The following RHPN2 variants were observed in gnomAD, a reference collection of about 807,000 sequenced individuals.
The protein encoded by RHPN2 is rhophilin-2.
In RHPN2, 40 loss-of-function variants were observed where a neutral mutation model predicts 79.0. That is an observed-to-expected ratio of 0.51 (90% confidence interval 0.39 to 0.66). The LOEUF (loss-of-function observed/expected upper bound fraction) is 0.66. Ranked by LOEUF, RHPN2 falls within the 30% of genes least tolerant of loss-of-function variation. The pLI is 0.00. For synonymous variants in RHPN2, 285 were observed against 363.5 expected (o/e 0.78, Z 2.46); for missense variants, 686 against 883.5 (o/e 0.78, Z 2.83).
chr19:33,018,686 C>A (rs184568789), intron 4 of RHPN2, among the ~76,000 whole-genome samples: 43 of 152,260 alleles, frequency 2.8e-4, no homozygotes, highest in Non-Finnish European at 5.0e-4. Context: ...CTATTTATGT[C>A]AAACAACTCA....
In RHPN2 at chr19:33,044,283, C is replaced by T. The variant is rs780380894; in HGVS notation, c.151G>A (p.Val51Met). The change falls in exon 2 of 15, where the codon GTG becomes ATG. Residue 51 changes from valine to methionine, a missense_variant. Physicochemically the swap from Val to Met is conservative, Grantham distance 21 (BLOSUM62 1). Transcript: ENST00000254260. ...AALNQQILKAVRMRTGAENLL... is the reference protein window; with the variant it reads ...AALNQQILKAMRMRTGAENLL... ...TTTTCCGCTCCGGTCCTCATCCGCA[C>T]GGCTTTCAGGATCTGCTGATTCAAA... 1.1e-5 allele frequency: 17 copies of T among 1,613,906 alleles called. No individual in the cohort carries two copies. The highest frequency in any genetic ancestry group is 6.7e-5 in the Admixed American group (4 of 59,964).
chr19:33,046,479 G>C (rs1471221778), intron 1 of RHPN2, among the ~76,000 whole-genome samples: 1 of 151,948 alleles, frequency 6.6e-6, no homozygotes, highest in Non-Finnish European at 1.5e-5. Flanking sequence ...GTTGGCCAGG[G>C]TGATCTCAAA....
At chr19:33,064,755 T>TGGGCCCCCCCCCCCC in intron 1 of RHPN2, 29 bp downstream of exon 1, 2 of 1,427,946 alleles carry the variant, frequency 1.4e-6, no homozygotes, top group Non-Finnish European at 1.9e-6. Flanking sequence ...AGCCCGCAGG[T>TGGGCCCCCCCCCCCC]CCCCGCCCGC....
At chr19:33,045,661 A>G (rs928059695) in intron 1 of RHPN2, among the ~76,000 whole-genome samples, 1 of 152,060 alleles carries the variant, frequency 6.6e-6, no homozygotes, top group Non-Finnish European at 1.5e-5. Flanking sequence ...TTTAGTAGAG[A>G]CAGGGTTTCG....
intron 2 of RHPN2, among the ~76,000 whole-genome samples, chr19:33,042,629 G>A (rs543081842): frequency 3.3e-5 from 5 of 152,262 alleles, no homozygotes; most frequent in South Asian, 4.1e-4. Flanking sequence ...CAGGTATTCC[G>A]TGAGTAACAA....
At chr19:32,995,895 T>G (rs1274913208) in intron 11 of RHPN2, 131 bp downstream of exon 11, 2 of 880,844 alleles carry the variant, frequency 2.3e-6, no homozygotes, top group Admixed American at 4.0e-5. Flanking sequence ...AAGCAGCACC[T>G]CAGTCCCTAC....
At chr19:33,056,440 C>G (rs898162670) in intron 1 of RHPN2, among the ~76,000 whole-genome samples, 4 of 152,102 alleles carry the variant, frequency 2.6e-5, no homozygotes, top group Non-Finnish European at 4.4e-5. Context: ...ATGGCCACAA[C>G]AGATTTTCCT....
At chr19:33,036,722 C>G (rs1025482014) in intron 2 of RHPN2, among the ~76,000 whole-genome samples, 17 of 152,192 alleles carry the variant, frequency 1.1e-4, no homozygotes, top group African/African-American at 4.1e-4. Flanking sequence ...TGGACGGGCC[C>G]CGCACTAGGA....
At chr19:33,005,693 T>C (rs1473428804) in intron 7 of RHPN2, among the ~76,000 whole-genome samples, 3 of 149,288 alleles carry the variant, frequency 2.0e-5, no homozygotes, top group Non-Finnish European at 4.5e-5. Context: ...TCCCTCACAC[T>C]CCCCACTGTT....
chr19:33,036,186 A>ATT (rs530097897), intron 2 of RHPN2, among the ~76,000 whole-genome samples: 8 of 139,674 alleles, frequency 5.7e-5, no homozygotes, highest in African/African-American at 1.1e-4. Flanking sequence ...AAGAAAATTA[A>ATT]TTTTTTTTTT....
intron 1 of RHPN2, among the ~76,000 whole-genome samples, chr19:33,048,299 A>T (rs923754286): frequency 6.6e-6 from 1 of 151,086 alleles, no homozygotes; most frequent in Non-Finnish European, 1.5e-5. Context: ...CAGGTGATCC[A>T]CCCGCCTCGG....
chr19:33,047,660 C>T (rs570979608), intron 1 of RHPN2, among the ~76,000 whole-genome samples: 1 of 152,318 alleles, frequency 6.6e-6, no homozygotes, highest in Admixed American at 6.5e-5. Context: ...CCAAGCCACA[C>T]CCATGGCCTG....
chr19:32,987,132 C>G (rs185527233), intron 14 of RHPN2, among the ~76,000 whole-genome samples: 360 of 152,158 alleles, frequency 2.4e-3, no homozygotes, highest in African/African-American at 8.5e-3. Context: ...ACTGCCTCAG[C>G]CTCTCAAAGT....
Position 33,021,558 on chromosome 19 carries a change from C to CT in RHPN2, c.390+12dup. On this transcript the variant is annotated intron_variant, in intron 4 of 14. Coordinates refer to ENST00000254260, the MANE Select transcript of RHPN2 (RefSeq NM_033103.5). ...TAAACACTGAGTCTGGTGCCCATGG[C>CT]TTTGAGATTTACCTTGAGGACGACT... The CT allele has an allele frequency of 6.2e-7, 1 of 1,609,766 alleles. No homozygotes were observed. The highest frequency in any genetic ancestry group is 1.1e-5 in the South Asian group (1 of 90,992).
At chr19:33,057,119 CAAA>C (rs35713211) in intron 1 of RHPN2, among the ~76,000 whole-genome samples, 4 of 95,904 alleles carry the variant, frequency 4.2e-5, no homozygotes, top group Non-Finnish European at 2.2e-5. Context: ...GACTCTGTCT[CAAA>C]AAAAAAAAAA....
intron 10 of RHPN2, among the ~76,000 whole-genome samples, chr19:32,998,320 G>T (rs551865943): frequency 6.6e-6 from 1 of 152,266 alleles, no homozygotes; most frequent in African/African-American, 2.4e-5. Flanking sequence ...ACAGCCAAAG[G>T]GATTTGCTAA....
chr19:32,983,430 T>C (rs1971592623), intron 14 of RHPN2, among the ~76,000 whole-genome samples: 1 of 151,480 alleles, frequency 6.6e-6, no homozygotes, highest in South Asian at 2.1e-4. Context: ...GAGAATGGCA[T>C]GAACCAGGAG....
intron 2 of RHPN2, among the ~76,000 whole-genome samples, chr19:33,038,343 G>C (rs1385872901): frequency 6.7e-6 from 1 of 150,214 alleles, no homozygotes; most frequent in African/African-American, 2.5e-5. Flanking sequence ...GTACACACCT[G>C]TGGAGGCTGA....
At chr19:32,981,552 G>A (rs1971575232) in intron 14 of RHPN2, among the ~76,000 whole-genome samples, 1 of 151,172 alleles carries the variant, frequency 6.6e-6, no homozygotes, top group East Asian at 2.0e-4. Context: ...AGGTCTCCCT[G>A]TCACCTGGGC....
Sources: gnomAD v4.1 joint callset for allele counts (sites outside exome capture counted in the v4.1 genomes callset) on GRCh38, gnomAD v4.1.1 for gene constraint, MANE v1.5 for transcripts, NCBI Gene and HGNC (gene_info 2026-07-23, HGNC 2026-07-21) for gene names.